The following ZNF423 variants were observed in gnomAD, a reference collection of about 807,000 sequenced individuals.
ZNF423 encodes Ebf-associated zinc finger protein.
A neutral mutation model predicts 95.8 loss-of-function variants in ZNF423; 12 were observed. That is an observed-to-expected ratio of 0.13 (90% CI 0.08 to 0.20). The LOEUF (loss-of-function observed/expected upper bound fraction) is 0.20. ZNF423 is among the 10% of genes least tolerant of loss of function. The pLI, the probability that ZNF423 is intolerant of heterozygous loss-of-function variation, is 1.00. For synonymous variants in ZNF423, 749 were observed against 711.9 expected, an observed-to-expected ratio of 1.05 and a Z score of -0.83; for missense variants, 1,316 against 1,737.1, an observed-to-expected ratio of 0.76 and a Z score of 4.31.
intron 5 of ZNF423, among the ~76,000 whole-genome samples, chr16:49,562,848 G>A (rs1392042453): frequency 1.3e-5 from 2 of 151,868 alleles, no homozygotes; most frequent in South Asian, 4.2e-4. Context: ...GCACAACCTC[G>A]GCTCACTGCA....
intron 1 of ZNF423, among the ~76,000 whole-genome samples, chr16:49,849,833 A>T (rs1245376232): frequency 6.6e-6 from 1 of 152,272 alleles, no homozygotes; most frequent in African/African-American, 2.4e-5. Flanking sequence ...TTGCAAGTAG[A>T]ACAACAGCAA....
rs35731470 is a variant in ZNF423 at position 49,612,409 on chromosome 16, TAA to T, written c.3601+13759_3601+13760del. Among the ~76,000 whole-genome samples the T allele has an allele frequency of 5.9e-3, 755 of 128,898 alleles. 5 individuals carry two copies. Among genetic ancestry groups the T allele is most frequent in the Non-Finnish European group, 7.8e-3 (467 of 59,678 alleles). 84.6% of individuals were successfully genotyped at this position (128,898 alleles called of 152,430 possible). On this transcript the variant is annotated intron_variant, in intron 5 of 7. Transcript: ENST00000563137. Reference sequence around the variant, plus strand: ...GTGCATGGTCTCACAATAGGTACAGTAAAAAAAAAAAAAAAAGACAAAAACTT... The same window carrying T: ...GTGCATGGTCTCACAATAGGTACAGTAAAAAAAAAAAAAAGACAAAAACTT...
chr16:49,648,468 C>T (rs1280207457), intron 3 of ZNF423, among the ~76,000 whole-genome samples: 1 of 152,056 alleles, frequency 6.6e-6, no homozygotes, highest in Non-Finnish European at 1.5e-5. Context: ...ATGGAGAAAC[C>T]CCGTCTCTAC....
In ZNF423 at chr16:49,855,060, G is replaced by A. The variant is rs1054808926; in HGVS notation, c.40+675C>T. On this transcript the variant is annotated intron_variant, in intron 1 of 7. Coordinates refer to ENST00000563137, the MANE Select transcript of ZNF423 (RefSeq NM_001379286.1). This position sits in a 1 kb window ranked among gnomAD's most constrained non-coding sequence, Gnocchi z 4.7. ...CCGTGCAGACAATGAACTCCTGGCGGAGGCTCCCTGCCCGGTGGGCCTCGG... is the reference window on the plus strand; with the variant it reads ...CCGTGCAGACAATGAACTCCTGGCGAAGGCTCCCTGCCCGGTGGGCCTCGG... 2.0e-6 allele frequency: 2 copies of A among 984,224 alleles called. No individual in the cohort carries two copies. The highest frequency in any genetic ancestry group is 1.8e-5 in the African/African-American group (1 of 57,094). 61.0% of individuals were successfully genotyped at this position (984,224 alleles called of 1,614,324 possible). A position where few individuals can be genotyped will look rare whatever the true frequency, so the allele number is the denominator to read the frequency against.
chr16:49,855,508 CCCTCCG>C lies in ZNF423; in HGVS notation c.40+221_40+226del, dbSNP rs1567373649. 1.0e-5 allele frequency among the ~76,000 whole-genome samples: 1 copy of C among 100,426 alleles called. No homozygotes were observed. The allele number at this position is 100,426 out of a possible 152,430, so 65.9% of individuals were successfully genotyped here. A position where few individuals can be genotyped will look rare whatever the true frequency, so the allele number is the denominator to read the frequency against. Reference sequence around the variant, plus strand: ...GCAGGGAGGGTGTCCGCGGCGTACCCCCTCCGCCGCCGCCGCCGCCGCCGCCGCCTC... The same window carrying C: ...GCAGGGAGGGTGTCCGCGGCGTACCCCCGCCGCCGCCGCCGCCGCCGCCTC... On this transcript the variant is annotated intron_variant, in intron 1 of 7. Transcript: ENST00000563137. This position sits in a 1 kb window ranked among gnomAD's most constrained non-coding sequence, Gnocchi z 4.7.
rs139908965 is a variant in ZNF423 at position 49,731,571 on chromosome 16, G to T, written c.101-600C>A. On this transcript the variant is annotated intron_variant, in intron 2 of 7. Coordinates refer to ENST00000563137, the MANE Select transcript of ZNF423 (RefSeq NM_001379286.1). ...CTCACACCTATAATCCTAGCACTCTGAGAGACCAAGGTGGGAAAATTGCTG... is the reference window on the plus strand; with the variant it reads ...CTCACACCTATAATCCTAGCACTCTTAGAGACCAAGGTGGGAAAATTGCTG... Among the ~76,000 whole-genome samples, 18 of 152,176 alleles carry T rather than the reference G, an allele frequency of 1.2e-4. No homozygotes were observed. In the East Asian group the frequency reaches 3.5e-3, roughly 29 times the overall value.
chr16:49,795,300 C>G (rs142711612), intron 1 of ZNF423, among the ~76,000 whole-genome samples: 1 of 152,302 alleles, frequency 6.6e-6, no homozygotes, highest in African/African-American at 2.4e-5. Context: ...CTCCACGCCA[C>G]CACTGTCCCC....
At chr16:49,570,981 G>A (rs1310954966) in intron 5 of ZNF423, among the ~76,000 whole-genome samples, 12 of 152,218 alleles carry the variant, frequency 7.9e-5, no homozygotes, top group Admixed American at 7.8e-4. Context: ...GGCCTCCTGA[G>A]CTAACAGGAA....
chr16:49,648,936 A>G (rs906273189), intron 3 of ZNF423, among the ~76,000 whole-genome samples: 6 of 152,162 alleles, frequency 3.9e-5, no homozygotes, highest in Non-Finnish European at 7.3e-5. Flanking sequence ...TATCCAGGAA[A>G]TATCTGTAGA....
chr16:49,692,779 T>C (rs2031834540), intron 3 of ZNF423, among the ~76,000 whole-genome samples: 1 of 152,244 alleles, frequency 6.6e-6, no homozygotes. Context: ...ATCTATTCTC[T>C]CTATGCAGTC....
chr16:49,798,188 T>A (rs2034528513), intron 1 of ZNF423, among the ~76,000 whole-genome samples: 1 of 152,092 alleles, frequency 6.6e-6, no homozygotes, highest in South Asian at 2.1e-4. Flanking sequence ...TCAGCCTGGG[T>A]GATACAGCAA....
At chr16:49,600,072 G>T (rs1218480268) in intron 5 of ZNF423, among the ~76,000 whole-genome samples, 1 of 152,192 alleles carries the variant, frequency 6.6e-6, no homozygotes, top group Non-Finnish European at 1.5e-5. Flanking sequence ...TGTAATCCCA[G>T]CACTTTGGGA....
In ZNF423 at chr16:49,855,144, G is replaced by A. The variant is rs1335479370; in HGVS notation, c.40+591C>T. The A allele has an allele frequency of 2.8e-6, 2 of 723,818 alleles. No individual in the cohort carries two copies. Among genetic ancestry groups the A allele is most frequent in the African/African-American group, 1.9e-5 (1 of 51,444 alleles). The allele number at this position is 723,818 out of a possible 1,614,324, so 44.8% of individuals were successfully genotyped here. On this transcript the variant is annotated intron_variant, in intron 1 of 7. Transcript: ENST00000563137. The surrounding 1 kb of genome is among the most constrained non-coding windows in gnomAD (Gnocchi z 4.7). ...GGAGAAGGCCTGGGCAGGGGCGGGAGGGGGCGCCAGGCGGCCGGGGCGAGG... is the reference window on the plus strand; with the variant it reads ...GGAGAAGGCCTGGGCAGGGGCGGGAAGGGGCGCCAGGCGGCCGGGGCGAGG...
At chr16:49,645,639 A>G (rs1380836564) in intron 3 of ZNF423, among the ~76,000 whole-genome samples, 1 of 152,198 alleles carries the variant, frequency 6.6e-6, no homozygotes, top group Non-Finnish European at 1.5e-5. Flanking sequence ...TCACAGAGAG[A>G]CAAGAGGCCC....
intron 3 of ZNF423, among the ~76,000 whole-genome samples, chr16:49,703,508 G>A (rs2032257693): frequency 6.6e-6 from 1 of 152,198 alleles, no homozygotes; most frequent in African/African-American, 2.4e-5. Context: ...TCAACCTGGT[G>A]GCCCTTCCTG....
chr16:49,690,080 A>G (rs1215544817), intron 3 of ZNF423, among the ~76,000 whole-genome samples: 1 of 152,186 alleles, frequency 6.6e-6, no homozygotes, highest in African/African-American at 2.4e-5. Flanking sequence ...AGGGCACAGA[A>G]CCACCATCTA....
chr16:49,743,715 C>G lies in ZNF423; in HGVS notation c.101-12744G>C, dbSNP rs1028407910. ...ATTATAACCCAAAAGCCAGCAGCTC[C>G]CTTCCCACCAATGATCCTCCTACCA... is the stretch of plus-strand genomic sequence containing the variant. On this transcript the variant is annotated intron_variant, in intron 2 of 7. Transcript: ENST00000563137. 8.5e-5 allele frequency among the ~76,000 whole-genome samples: 13 copies of G among 152,138 alleles called. No individual in the cohort carries two copies. In the East Asian group the frequency reaches 2.1e-3, roughly 25 times the overall value.
At chr16:49,749,263 G>A (rs1420714963) in intron 2 of ZNF423, among the ~76,000 whole-genome samples, 1 of 152,164 alleles carries the variant, frequency 6.6e-6, no homozygotes, top group East Asian at 1.9e-4. Context: ...CGCCCATGCC[G>A]GGGAATCTGC....
At chr16:49,758,634 A>G (rs2033771321) in intron 2 of ZNF423, among the ~76,000 whole-genome samples, 2 of 152,096 alleles carry the variant, frequency 1.3e-5, no homozygotes. Flanking sequence ...CCCAGCTACT[A>G]GGGAGGCTGA....
Sources: gnomAD v4.1 joint callset for allele counts (sites outside exome capture counted in the v4.1 genomes callset) on GRCh38, gnomAD v4.1.1 for gene constraint, Gnocchi (gnomAD v3.1) non-coding constraint, MANE v1.5 for transcripts, NCBI Gene and HGNC (gene_info 2026-07-23, HGNC 2026-07-21) for gene names.